Variants in WDR18 observed in about 807,000 individuals in gnomAD.
WDR18 encodes the protein WD repeat domain 18, also known as WD repeat-containing protein 18.
WDR18 carries 33 observed loss-of-function variants against 49.6 expected under a neutral mutation model. That is an observed-to-expected ratio of 0.67 (90% CI 0.50 to 0.89). WDR18 has a LOEUF of 0.89. WDR18 is among the 40% of genes least tolerant of loss of function. The pLI is 0.00. For synonymous variants in WDR18, 315 were observed against 263.6 expected, an observed-to-expected ratio of 1.19 and a Z score of -1.89; for missense variants, 653 against 593.6, an observed-to-expected ratio of 1.10 and a Z score of -1.04.
At position 990,922 on chromosome 19, in the gene WDR18, T is replaced by C. The variant is rs1276109544; in HGVS notation, c.668T>C (p.Met223Thr). ...LFDVSIMAVT[M>T]DLAEHHMFCG... ...GACGTGTCCATCATGGCAGTGACCA[T>C]GGACCTGGCTGAGCACCATATGTTC... Residue 223 changes from methionine to threonine, a missense_variant, in exon 5 of 10, where the codon ATG becomes ACG. Met to Thr is a moderately conservative substitution (Grantham distance 81, BLOSUM62 -1). Transcript: ENST00000585809. 1 of 1,612,816 alleles carries C rather than the reference T, an allele frequency of 6.2e-7. No individual in the cohort carries two copies. The highest frequency in any genetic ancestry group is 1.1e-5 in the South Asian group (1 of 91,070).
At chr19:990,082 G>T in intron 3 of WDR18, 141 bp from the exon 4 acceptor site, 1 of 1,381,212 alleles carries the variant, frequency 7.2e-7, no homozygotes, top group Non-Finnish European at 9.6e-7. Context: ...GGCCGTGGGG[G>T]CCCAGCCTTG....
upstream of WDR18, among the ~76,000 whole-genome samples, chr19:983,394 C>A (rs973218280): frequency 6.6e-6 from 1 of 152,052 alleles, no homozygotes; most frequent in Non-Finnish European, 1.5e-5. Context: ...CGGGTTCAAG[C>A]GATTCTCCTG....
At chr19:990,568 C>A in intron 4 of WDR18, 1 of 901,622 alleles carries the variant, frequency 1.1e-6, no homozygotes, top group Non-Finnish European at 1.6e-6. Context: ...TCTGGCCCGG[C>A]TCCCTGGCCA....
Position 991,071 on chromosome 19 carries a change from GC to G in WDR18, c.742-8del, listed in dbSNP as rs2038539062. 1 of 1,603,590 alleles carries G rather than the reference GC, an allele frequency of 6.2e-7. No homozygotes were observed. Among genetic ancestry groups the G allele is most frequent in the African/African-American group, 1.3e-5 (1 of 74,792 alleles). On this transcript the variant is annotated splice_polypyrimidine_tract_variant and intron_variant, in intron 5 of 9. Coordinates refer to ENST00000585809, the MANE Select transcript of WDR18 (RefSeq NM_024100.4). ...GGGCCTGCGGCTCACACACGTCTCG[GC>G]CTTCGCAGCCCGGACAGAGGGAGAG...
At chr19:986,109 C>G (rs2038471980) in intron 2 of WDR18, 134 bp downstream of exon 2, 1 of 751,598 alleles carries the variant, frequency 1.3e-6, no homozygotes. Flanking sequence ...ATAGCCTAAG[C>G]TTCACCCTGC....
chr19:991,398 G>C, intron 7 of WDR18, 47 bp downstream of exon 7: 1 of 1,305,100 alleles, frequency 7.7e-7, no homozygotes, highest in South Asian at 1.3e-5. Context: ...AGGGGAAAAA[G>C]CCAGCAGGAG....
At chr19:989,417 CGT>C (rs1475487231) in intron 2 of WDR18, among the ~76,000 whole-genome samples, 1 of 152,136 alleles carries the variant, frequency 6.6e-6, no homozygotes, top group African/African-American at 2.4e-5. Flanking sequence ...TGAGTGCAGC[CGT>C]TCCTACGGGG....
Position 990,369 on chromosome 19 carries a change from G to A in WDR18, c.597+5G>A, listed in dbSNP as rs1303732239. The stretch of plus-strand genomic sequence containing the variant: ...TCACTGGACCAGACGGTGAAGGTAC[G>A]CCGCCCCCACCCCACCACGGTCCAT... On this transcript the variant is annotated splice_donor_5th_base_variant and intron_variant, in intron 4 of 9. Transcript: ENST00000585809. 8.4e-6 allele frequency: 13 copies of A among 1,542,672 alleles called. No homozygotes were observed. Among genetic ancestry groups the A allele is most frequent in the African/African-American group, 6.8e-5 (5 of 72,994 alleles).
At chr19:983,132 A>G (rs376872397), upstream of WDR18, among the ~76,000 whole-genome samples, 13 of 152,154 alleles carry the variant, frequency 8.5e-5, no homozygotes, top group African/African-American at 3.1e-4. Context: ...TTGGCAACTA[A>G]TTGCACATTT....
At position 987,829 on chromosome 19, in the gene WDR18, G is replaced by GTTTTTTTTTTTTTTTTTTTTTTTTTTT. The variant is rs71174337; in HGVS notation, c.321+1877_321+1878insTTTTTTTTTTTTTTTTTTTTTTTTTTT. On this transcript the variant is annotated intron_variant, in intron 2 of 9. Transcript: ENST00000585809. ...ACCCCTGCTCCCCTAGCCGCCTCCA[G>GTTTTTTTTTTTTTTTTTTTTTTTTTTT]TTTTTTTTTTTTTTTTTTTTTTTCA... Among the ~76,000 whole-genome samples, 8 of 91,804 alleles carry GTTTTTTTTTTTTTTTTTTTTTTTTTTT rather than the reference G, an allele frequency of 8.7e-5. 1 individual carries two copies. The highest frequency in any genetic ancestry group is 7.3e-4 in the East Asian group (2 of 2,730). The allele number at this position is 91,804 out of a possible 152,430, so 60.2% of individuals were successfully genotyped here. A position where few individuals can be genotyped will look rare whatever the true frequency, so the allele number is the denominator to read the frequency against.
chr19:984,283 C>T (rs931326386), upstream of WDR18: 26 of 1,411,080 alleles, frequency 1.8e-5, no homozygotes, highest in Non-Finnish European at 2.1e-5. Flanking sequence ...GGCCGCCGCT[C>T]TGGCCCGCGT....
At position 990,213 on chromosome 19, in the gene WDR18, C is replaced by T. The variant is rs2038525582; in HGVS notation, c.456-10C>T. 1.9e-6 allele frequency: 3 copies of T among 1,594,232 alleles called. No homozygotes were observed. Among genetic ancestry groups the T allele is most frequent in the African/African-American group, 1.3e-5 (1 of 74,784 alleles). ...CCCCGCCTGCTGAGCACCTGCCCCACCCCGCTCAGCGTGCTGCAGGCCGAC... is the reference window on the plus strand; with the variant it reads ...CCCCGCCTGCTGAGCACCTGCCCCATCCCGCTCAGCGTGCTGCAGGCCGAC... On this transcript the variant is annotated splice_polypyrimidine_tract_variant and intron_variant, in intron 3 of 9. Transcript: ENST00000585809.
chr19:988,647 C>T (rs779265280), intron 2 of WDR18, among the ~76,000 whole-genome samples: 37 of 152,320 alleles, frequency 2.4e-4, no homozygotes, highest in Middle Eastern at 3.4e-3. Flanking sequence ...TGAGGCCAGA[C>T]GTCCTAAATC....
intron 1 of WDR18, among the ~76,000 whole-genome samples, chr19:985,393 C>T (rs1010896554): frequency 3.3e-5 from 5 of 152,190 alleles, no homozygotes. Context: ...TGGTCTCGAA[C>T]TCCTGACCTC....
chr19:991,072 C>A lies in WDR18; in HGVS notation c.742-9C>A, dbSNP rs768588100. The A allele has an allele frequency of 2.2e-4, 356 of 1,603,134 alleles. No homozygotes were observed. The highest frequency in any genetic ancestry group is 3.0e-4 in the Non-Finnish European group (350 of 1,175,154). On this transcript the variant is annotated splice_polypyrimidine_tract_variant and intron_variant, in intron 5 of 9. Coordinates refer to ENST00000585809, the MANE Select transcript of WDR18 (RefSeq NM_024100.4). ...GGCCTGCGGCTCACACACGTCTCGG[C>A]CTTCGCAGCCCGGACAGAGGGAGAG...
intron 7 of WDR18, among the ~76,000 whole-genome samples, 173 bp from the exon 8 acceptor site, chr19:991,782 G>A (rs1157556428): frequency 1.6e-5 from 2 of 123,044 alleles, no homozygotes; most frequent in African/African-American, 3.1e-5. Flanking sequence ...GTGGGGTGGG[G>A]CCTGGCTGGG....
intron 2 of WDR18, among the ~76,000 whole-genome samples, chr19:986,544 C>T (rs763651214): frequency 6.6e-6 from 1 of 152,202 alleles, no homozygotes; most frequent in African/African-American, 2.4e-5. Context: ...AGTGGGATTA[C>T]AGGCGTGAGC....
intron 2 of WDR18, among the ~76,000 whole-genome samples, chr19:986,280 G>A (rs963949934): frequency 4.6e-5 from 7 of 152,176 alleles, no homozygotes; most frequent in African/African-American, 1.7e-4. Context: ...AGGCGGCAGC[G>A]CCTGGCACTT....
intron 2 of WDR18, among the ~76,000 whole-genome samples, chr19:989,383 A>G (rs907777014): frequency 5.9e-5 from 9 of 152,058 alleles, no homozygotes; most frequent in African/African-American, 1.9e-4. Context: ...TTCCTGTTGA[A>G]TGGTGGGAGC....
Sources: gnomAD v4.1 joint callset for allele counts (sites outside exome capture counted in the v4.1 genomes callset) on GRCh38, gnomAD v4.1.1 for gene constraint, MANE v1.5 for transcripts, NCBI Gene and HGNC (gene_info 2026-07-23, HGNC 2026-07-21) for gene names.